The following PCDH15 variants were observed in gnomAD, a reference collection of about 807,000 sequenced individuals.
The protein encoded by PCDH15 is protocadherin-15.
A neutral mutation model predicts 178.5 loss-of-function variants in PCDH15; 129 were observed. The ratio of observed to expected loss-of-function variants is 0.72; its 90% CI spans 0.63 to 0.84. The LOEUF is 0.84. PCDH15 is among the 40% of genes least tolerant of loss of function. The pLI is 0.00. For missense variants in PCDH15, 2,230 were observed against 2,099.9 expected, an observed-to-expected ratio of 1.06 and a Z score of -1.21; for synonymous variants, 800 against 732.0, an observed-to-expected ratio of 1.09 and a Z score of -1.50.
At chr10:54,166,731 AC>A (rs1835994541) in intron 13 of PCDH15, among the ~76,000 whole-genome samples, 1 of 151,868 alleles carries the variant, frequency 6.6e-6, no homozygotes, top group South Asian at 2.1e-4. Context: ...TTGCACTTAT[AC>A]GCCCAGATGG....
intron 2 of PCDH15, among the ~76,000 whole-genome samples, chr10:55,099,088 C>A (rs1044357395): frequency 1.3e-5 from 2 of 151,908 alleles, no homozygotes; most frequent in African/African-American, 4.8e-5. Context: ...TGTCTGTATT[C>A]TTTTTAAAAA....
chr10:55,463,325 G>T (rs1222969556), intron 2 of PCDH15, among the ~76,000 whole-genome samples: 20 of 152,006 alleles, frequency 1.3e-4, no homozygotes, highest in Admixed American at 1.3e-3. Context: ...ATTCCATGAT[G>T]ATATGTATTC....
chr10:54,874,835 TTA>T (rs1157071245), intron 3 of PCDH15, among the ~76,000 whole-genome samples: 1 of 152,184 alleles, frequency 6.6e-6, no homozygotes, highest in East Asian at 1.9e-4. Flanking sequence ...GTTTTACACT[TTA>T]ATTTATTCAT....
intron 18 of PCDH15, among the ~76,000 whole-genome samples, chr10:54,062,253 C>CAAAA (rs769054605): frequency 7.9e-5 from 6 of 75,842 alleles, no homozygotes; most frequent in African/African-American, 1.0e-4. Context: ...AAAAAAAAAA[C>CAAAA]AAAAAACAAC....
chr10:55,563,906 G>A (rs186497593), intron 2 of PCDH15, among the ~76,000 whole-genome samples: 154 of 151,844 alleles, frequency 1.0e-3, no homozygotes, highest in Middle Eastern at 6.8e-3. Context: ...TTCATTAACC[G>A]CTATAAATGC....
At chr10:54,079,964 A>T (rs986598233) in intron 16 of PCDH15, among the ~76,000 whole-genome samples, 8 of 152,050 alleles carry the variant, frequency 5.3e-5, no homozygotes, top group African/African-American at 1.7e-4. Flanking sequence ...AGAAAATAGA[A>T]TTTTTTCAAA....
intron 2 of PCDH15, among the ~76,000 whole-genome samples, chr10:55,021,363 A>C (rs2131954857): frequency 6.6e-6 from 1 of 152,284 alleles, no homozygotes; most frequent in South Asian, 2.1e-4. Flanking sequence ...AACTACTGTT[A>C]TTTTCCACCA....
intron 14 of PCDH15, among the ~76,000 whole-genome samples, chr10:54,135,912 T>A (rs981404110): frequency 1.3e-5 from 2 of 152,214 alleles, no homozygotes; most frequent in Non-Finnish European, 2.9e-5. Context: ...TTTATATATT[T>A]GTATATGTAA....
At chr10:54,693,329 A>G (rs963500010) in intron 1 of PCDH15, among the ~76,000 whole-genome samples, 13 of 152,008 alleles carry the variant, frequency 8.6e-5, no homozygotes, top group Non-Finnish European at 1.5e-4. Flanking sequence ...GAAGCTTAAC[A>G]TTTAAATTCT....
At chr10:53,842,464 C>A (rs994996630) in intron 28 of PCDH15, among the ~76,000 whole-genome samples, 1 of 152,110 alleles carries the variant, frequency 6.6e-6, no homozygotes, top group African/African-American at 2.4e-5. Context: ...TCAGGCTGGT[C>A]TCAAATTCCT....
chr10:55,367,593 C>G (rs1391687003), intron 2 of PCDH15, among the ~76,000 whole-genome samples: 1 of 151,720 alleles, frequency 6.6e-6, no homozygotes. Context: ...GAAAACAAAA[C>G]AAAACAAAAC....
At chr10:55,041,485 G>GA (rs1419673950) in intron 2 of PCDH15, among the ~76,000 whole-genome samples, 1 of 151,954 alleles carries the variant, frequency 6.6e-6, no homozygotes, top group African/African-American at 2.4e-5. Context: ...AAATCAACAG[G>GA]AAAAATAGAA....
intron 2 of PCDH15, among the ~76,000 whole-genome samples, chr10:55,349,723 G>C (rs1001170994): frequency 6.6e-6 from 1 of 152,020 alleles, no homozygotes; most frequent in African/African-American, 2.4e-5. Context: ...TATTTATAAA[G>C]ATTTTTCATT....
At chr10:54,095,751 T>C (rs1165308315) in intron 15 of PCDH15, among the ~76,000 whole-genome samples, 5 of 152,206 alleles carry the variant, frequency 3.3e-5, no homozygotes, top group East Asian at 1.9e-4. Context: ...AAGTCCTTAA[T>C]AGGAAAAATA....
chr10:55,018,198 T>A (rs532379826), intron 2 of PCDH15, among the ~76,000 whole-genome samples: 1 of 152,122 alleles, frequency 6.6e-6, no homozygotes, highest in Non-Finnish European at 1.5e-5. Context: ...TGCAGTATAA[T>A]CTGGAAAAAA....
intron 2 of PCDH15, among the ~76,000 whole-genome samples, chr10:55,126,991 C>G (rs1234952665): frequency 6.6e-6 from 1 of 152,048 alleles, no homozygotes; most frequent in Non-Finnish European, 1.5e-5. Context: ...ATTCCTCTTT[C>G]CTTCAGGTGT....
At chr10:54,460,796 A>G (rs939608269) in intron 3 of PCDH15, among the ~76,000 whole-genome samples, 48 of 152,220 alleles carry the variant, frequency 3.2e-4, no homozygotes, top group African/African-American at 1.1e-3. Context: ...TTGAAGGATG[A>G]TATGAATTTT....
At chr10:54,654,099 A>C (rs2094323616) in intron 2 of PCDH15, among the ~76,000 whole-genome samples, 1 of 152,186 alleles carries the variant, frequency 6.6e-6, no homozygotes, top group African/African-American at 2.4e-5. Flanking sequence ...CCTCTAACTG[A>C]AATGTTATAA....
chr10:54,570,964 C>A (rs1590183913), intron 2 of PCDH15, among the ~76,000 whole-genome samples: 1 of 151,912 alleles, frequency 6.6e-6, no homozygotes, highest in East Asian at 1.9e-4. Flanking sequence ...CTGTGCCCGG[C>A]CTCACTTGCA....
Sources: gnomAD v4.1 joint callset for allele counts (sites outside exome capture counted in the v4.1 genomes callset) on GRCh38, gnomAD v4.1.1 for gene constraint, MANE v1.5 for transcripts, NCBI Gene and HGNC (gene_info 2026-07-23, HGNC 2026-07-21) for gene names.